Variants in R3HDM1 observed in about 807,000 individuals in gnomAD.
R3HDM1 encodes the protein R3H domain containing 1.
Under a neutral mutation model 141.1 loss-of-function variants are expected in R3HDM1, and 46 were observed. The ratio of observed to expected loss-of-function variants is 0.33; its 90% CI spans 0.26 to 0.42. The LOEUF (loss-of-function observed/expected upper bound fraction) is 0.42. R3HDM1 is among the 10% of genes least tolerant of loss of function. The probability of loss-of-function intolerance (pLI) is 1.00; values close to 1 mark genes in which losing one functional copy is unlikely to be tolerated. For missense variants in R3HDM1, 1,184 were observed against 1,368.3 expected (o/e 0.87, Z 2.12); for synonymous variants, 435 against 472.9 (o/e 0.92, Z 1.04).
At chr2:135,659,071 G>GTGTGTGTA (rs1553607677) in intron 18 of R3HDM1, among the ~76,000 whole-genome samples, 62 of 150,436 alleles carry the variant, frequency 4.1e-4, no homozygotes, top group African/African-American at 8.9e-4. Context: ...GTGTGTGTGT[G>GTGTGTGTA]TGTGTGTGTG....
At chr2:135,584,450 G>A (rs1707436837) in intron 1 of R3HDM1, 1 of 873,968 alleles carries the variant, frequency 1.1e-6, no homozygotes. Context: ...ACCTAAACCT[G>A]TTTCATATTT....
intron 18 of R3HDM1, among the ~76,000 whole-genome samples, chr2:135,655,609 C>T (rs1020658432): frequency 6.6e-6 from 1 of 151,940 alleles, no homozygotes; most frequent in Non-Finnish European, 1.5e-5. Flanking sequence ...CAGGTTCACG[C>T]CATTCTCCTG....
chr2:135,713,017 CATA>C (rs1299980717), intron 23 of R3HDM1, among the ~76,000 whole-genome samples: 2 of 152,124 alleles, frequency 1.3e-5, no homozygotes, highest in African/African-American at 4.8e-5. Flanking sequence ...GCCTAGACAA[CATA>C]ATGAGATTCC....
At chr2:135,640,347 A>G (rs2063678011) in intron 14 of R3HDM1, among the ~76,000 whole-genome samples, 1 of 152,216 alleles carries the variant, frequency 6.6e-6, no homozygotes, top group Non-Finnish European at 1.5e-5. Flanking sequence ...TTATCAGTAT[A>G]AGAAGTCTAC....
intron 1 of R3HDM1, chr2:135,586,818 G>GTA: frequency 1.0e-6 from 1 of 984,978 alleles, no homozygotes; most frequent in South Asian, 4.7e-5. Flanking sequence ...TGGTATTTGT[G>GTA]TATAGCACAG....
chr2:135,682,246 G>C (rs562222310), intron 21 of R3HDM1, among the ~76,000 whole-genome samples: 1 of 152,114 alleles, frequency 6.6e-6, no homozygotes, highest in Non-Finnish European at 1.5e-5. Context: ...CAGAGGCTGA[G>C]AGATGGGTAT....
chr2:135,669,738 T>A, intron 19 of R3HDM1: 1 of 228,118 alleles, frequency 4.4e-6, no homozygotes, highest in Non-Finnish European at 7.3e-6. Context: ...GGGATAATAA[T>A]TGTATCTATT....
At chr2:135,587,097 C>T in intron 1 of R3HDM1, 2 of 661,746 alleles carry the variant, frequency 3.0e-6, no homozygotes, top group Non-Finnish European at 3.7e-6. Flanking sequence ...TCAGATATCA[C>T]ATTGCAAAAG....
At chr2:135,539,082 A>T (rs931172110) in intron 1 of R3HDM1, among the ~76,000 whole-genome samples, 2 of 152,160 alleles carry the variant, frequency 1.3e-5, no homozygotes, top group African/African-American at 4.8e-5. Flanking sequence ...TTCAGAGACA[A>T]TTACACACAT....
intron 1 of R3HDM1, chr2:135,597,226 A>C: frequency 1.0e-6 from 1 of 978,856 alleles, no homozygotes; most frequent in Non-Finnish European, 1.2e-6. Context: ...TGTCATCATT[A>C]ACCTCTTCAT....
At chr2:135,691,910 T>C (rs553835109) in intron 21 of R3HDM1, among the ~76,000 whole-genome samples, 1 of 152,144 alleles carries the variant, frequency 6.6e-6, no homozygotes, top group Admixed American at 6.5e-5. Context: ...AGTTTTTGTT[T>C]GTTTCTTTTT....
intron 26 of R3HDM1, 112 bp from the exon 27 acceptor site, chr2:135,723,825 A>T: frequency 9.3e-6 from 5 of 537,374 alleles, no homozygotes; most frequent in Non-Finnish European, 1.3e-5. Flanking sequence ...AACAGTTTTA[A>T]TTTTGTGTAT....
chr2:135,562,004 AAGTT>A (rs1186220738), intron 1 of R3HDM1, among the ~76,000 whole-genome samples: 3 of 152,198 alleles, frequency 2.0e-5, no homozygotes. Context: ...AAAATTGACA[AAGTT>A]AGTCTAGAGG....
chr2:135,687,215 AG>A (rs955177900), intron 21 of R3HDM1, among the ~76,000 whole-genome samples: 28 of 152,182 alleles, frequency 1.8e-4, no homozygotes, highest in Admixed American at 6.5e-5. Context: ...AAAATAAAAT[AG>A]TCAAACTTGT....
At chr2:135,621,155 C>T (rs1401878375) in intron 5 of R3HDM1, among the ~76,000 whole-genome samples, 1 of 151,958 alleles carries the variant, frequency 6.6e-6, no homozygotes, top group Non-Finnish European at 1.5e-5. Flanking sequence ...TTGGCATCTT[C>T]CTTGCAAAAA....
At chr2:135,535,502 A>G (rs1695881345) in intron 1 of R3HDM1, among the ~76,000 whole-genome samples, 1 of 72,572 alleles carries the variant, frequency 1.4e-5, no homozygotes, top group Non-Finnish European at 2.4e-5. Flanking sequence ...TGTCTCAAAA[A>G]TAAATAAATA....
At chr2:135,543,075 AT>A (rs1282176539) in intron 1 of R3HDM1, 2 of 983,338 alleles carry the variant, frequency 2.0e-6, no homozygotes, top group African/African-American at 3.5e-5. Flanking sequence ...ATGTGAGGAG[AT>A]CAAAAGTAAA....
At chr2:135,586,745 C>T in intron 1 of R3HDM1, 1 of 985,290 alleles carries the variant, frequency 1.0e-6, no homozygotes, top group Non-Finnish European at 1.2e-6. Context: ...TTCTTCTCCC[C>T]ACCCCTCACA....
At chr2:135,599,326 C>T (rs2059437337) in intron 1 of R3HDM1, among the ~76,000 whole-genome samples, 1 of 151,950 alleles carries the variant, frequency 6.6e-6, no homozygotes, top group Non-Finnish European at 1.5e-5. Flanking sequence ...CTCATATATC[C>T]ATCTCTCTTA....
Sources: gnomAD v4.1 joint callset for allele counts (sites outside exome capture counted in the v4.1 genomes callset) on GRCh38, gnomAD v4.1.1 for gene constraint, MANE v1.5 for transcripts, NCBI Gene and HGNC (gene_info 2026-07-23, HGNC 2026-07-21) for gene names.